MARCHF3: variants seen among roughly 807,000 people sequenced by gnomAD.
MARCHF3 encodes membrane associated ring-CH-type finger 3, also known as E3 ubiquitin-protein ligase MARCHF3.
Under a neutral mutation model 24.2 loss-of-function variants are expected in MARCHF3, and 13 were observed. That is an observed-to-expected ratio of 0.54 (90% confidence interval 0.35 to 0.85). The LOEUF (loss-of-function observed/expected upper bound fraction) is 0.85, where lower values mean the gene tolerates loss of function less well. MARCHF3 is among the 40% of genes least tolerant of loss of function. The probability of loss-of-function intolerance (pLI) is 0.01; values close to 1 mark genes in which losing one functional copy is unlikely to be tolerated. For missense variants in MARCHF3, 276 were observed against 325.0 expected (o/e 0.85, Z 1.16); for synonymous variants, 144 against 137.3 (o/e 1.05, Z -0.34).
Position 126,870,707 on chromosome 5 carries a change from T to G in MARCHF3, c.688A>C (p.Asn230His). 2 of 1,614,180 alleles carry G rather than the reference T, an allele frequency of 1.2e-6. No individual in the cohort carries two copies. The highest frequency in any genetic ancestry group is 1.7e-5 in the Admixed American group (1 of 60,028). The stretch of plus-strand genomic sequence containing the variant: ...AAGGACGGCTGGTTAGAAGGTACAT[T>G]GACAGACTTTGGAATGAGGAGAATC... ...RVILLIPKSV[N>H]VPSNQPSLLG... The change falls in exon 5 of 5, where the codon AAT becomes CAT. Residue 230 changes from asparagine (N) to histidine (H), a missense_variant. Asn to His is a moderately conservative substitution (Grantham distance 68). Coordinates refer to ENST00000308660, the MANE Select transcript of MARCHF3 (RefSeq NM_178450.5).
intron 3 of MARCHF3, among the ~76,000 whole-genome samples, chr5:126,914,144 C>T (rs1459237007): frequency 2.0e-5 from 3 of 151,708 alleles, no homozygotes; most frequent in Admixed American, 2.0e-4. Context: ...CCACCATGCC[C>T]GGCTAATTTT....
chr5:126,999,557 C>G (rs58095074), intron 1 of MARCHF3, among the ~76,000 whole-genome samples: 86 of 152,366 alleles, frequency 5.6e-4, no homozygotes, highest in African/African-American at 2.1e-3. Context: ...TCCATTACAG[C>G]TTCACCAGCC....
chr5:126,912,532 A>G (rs1411357626), intron 3 of MARCHF3, among the ~76,000 whole-genome samples: 1 of 152,202 alleles, frequency 6.6e-6, no homozygotes, highest in African/African-American at 2.4e-5. Context: ...ATAAAGTAAC[A>G]CTAATCTTAA....
At chr5:126,966,922 TTTTTTTTTTTTTTTTTTTTTTTTG>T (rs1750835713) in intron 1 of MARCHF3, among the ~76,000 whole-genome samples, 1 of 118,534 alleles carries the variant, frequency 8.4e-6, no homozygotes, top group Admixed American at 8.8e-5. Context: ...TTTTTTTTTT[TTTTTTTTTTTTTTTTTTTTTTTTG>T]CTATTACCTA....
rs180997488 is a variant in MARCHF3, at chr5:126,940,695, C to T, written c.-56-22468G>A. Among the ~76,000 whole-genome samples, 515 of 152,088 alleles carry T rather than the reference C, an allele frequency of 3.4e-3. 2 individuals carry two copies. The highest frequency in any genetic ancestry group is 0.012 in the African/African-American group (492 of 41,488). The stretch of plus-strand genomic sequence containing the variant: ...CTCCTGACCTCAAGCGATCCACCCA[C>T]CTCGGCCTCCCAAAGTGCTGGGATT... On this transcript the variant is annotated intron_variant, in intron 1 of 4. Transcript: ENST00000308660.
At chr5:127,008,970 G>T (rs1007837062) in intron 1 of MARCHF3, among the ~76,000 whole-genome samples, 4 of 151,452 alleles carry the variant, frequency 2.6e-5, no homozygotes, top group Admixed American at 1.3e-4. Flanking sequence ...TGAGAGAGGA[G>T]GTGTTATTTT....
At chr5:126,987,491 T>C (rs1300424937) in intron 1 of MARCHF3, among the ~76,000 whole-genome samples, 1 of 152,208 alleles carries the variant, frequency 6.6e-6, no homozygotes. Context: ...GCCTGCCCCA[T>C]GGGTTTTGGA....
chr5:126,938,762 G>A (rs554383149), intron 1 of MARCHF3, among the ~76,000 whole-genome samples: 185 of 152,252 alleles, frequency 1.2e-3, no homozygotes, highest in African/African-American at 4.1e-3. Flanking sequence ...CTGTGCTGCT[G>A]AATTACAGAA....
intron 3 of MARCHF3, among the ~76,000 whole-genome samples, chr5:126,883,689 T>C (rs1753412787): frequency 6.6e-6 from 1 of 152,198 alleles, no homozygotes; most frequent in Non-Finnish European, 1.5e-5. Flanking sequence ...TTAAATCCCC[T>C]ACTGGTTGGT....
chr5:126,910,161 C>T (rs756718179), intron 3 of MARCHF3, among the ~76,000 whole-genome samples: 1 of 152,218 alleles, frequency 6.6e-6, no homozygotes, highest in Non-Finnish European at 1.5e-5. Context: ...CAGATTCCCA[C>T]TATTTCCTGG....
chr5:126,901,053 A>G (rs10076035), intron 3 of MARCHF3, among the ~76,000 whole-genome samples: 3,372 of 152,136 alleles, frequency 0.022, 156 homozygotes, highest in African/African-American at 0.078. Context: ...CCTGAGGCTG[A>G]AAGTATTTAA....
At chr5:126,904,715 C>T (rs1414914381) in intron 3 of MARCHF3, among the ~76,000 whole-genome samples, 1 of 150,662 alleles carries the variant, frequency 6.6e-6, no homozygotes, top group Non-Finnish European at 1.5e-5. Flanking sequence ...TGGATATTAG[C>T]CCTTTGTCAG....
intron 1 of MARCHF3, among the ~76,000 whole-genome samples, chr5:126,968,335 C>G (rs1318942913): frequency 2.6e-5 from 4 of 152,200 alleles, no homozygotes; most frequent in African/African-American, 9.7e-5. Flanking sequence ...AGTGGCCACA[C>G]CACTTTACAT....
rs576829743 is a variant in MARCHF3 at position 126,890,501 on chromosome 5, T to C, written c.394-12107A>G. On this transcript the variant is annotated intron_variant, in intron 3 of 4. Coordinates refer to ENST00000308660, the MANE Select transcript of MARCHF3 (RefSeq NM_178450.5). ...CCCTTCCTGTGTCCATGTGATCTCA[T>C]TGTTCAATCCCCACCTATGAGTGAG... 9.7e-4 allele frequency among the ~76,000 whole-genome samples: 140 copies of C among 145,064 alleles called. 4 individuals are homozygous for C. The South Asian group carries it at 0.027, about 28-fold the overall frequency.
At chr5:126,933,572 G>C (rs1749544322) in intron 1 of MARCHF3, among the ~76,000 whole-genome samples, 1 of 151,784 alleles carries the variant, frequency 6.6e-6, no homozygotes, top group African/African-American at 2.4e-5. Context: ...AGCCTCCCGA[G>C]TAGCTGGGAC....
intron 1 of MARCHF3, among the ~76,000 whole-genome samples, chr5:126,931,629 T>C (rs1449264042): frequency 6.6e-6 from 1 of 151,644 alleles, no homozygotes; most frequent in Non-Finnish European, 1.5e-5. Flanking sequence ...TAGAAGGCCA[T>C]CTTTATGCTA....
chr5:127,008,475 TAA>T (rs1388014374), intron 1 of MARCHF3, among the ~76,000 whole-genome samples: 1 of 152,154 alleles, frequency 6.6e-6, no homozygotes, highest in Non-Finnish European at 1.5e-5. Flanking sequence ...GTAACGTCAA[TAA>T]GTCTGTCTCA....
chr5:126,922,409 T>C (rs980321151), intron 1 of MARCHF3, among the ~76,000 whole-genome samples: 2 of 152,208 alleles, frequency 1.3e-5, no homozygotes, highest in African/African-American at 4.8e-5. Context: ...TGAATTCACT[T>C]TGTAAGCAGG....
At chr5:126,942,680 C>G (rs1242034546) in intron 1 of MARCHF3, among the ~76,000 whole-genome samples, 1 of 152,166 alleles carries the variant, frequency 6.6e-6, no homozygotes, top group Non-Finnish European at 1.5e-5. Context: ...TTTAAAGCCA[C>G]TAGTTAATTT....
Sources: gnomAD v4.1 joint callset for allele counts (sites outside exome capture counted in the v4.1 genomes callset) on GRCh38, gnomAD v4.1.1 for gene constraint, MANE v1.5 for transcripts, NCBI Gene and HGNC (gene_info 2026-07-23, HGNC 2026-07-21) for gene names.